The following DGKB variants were observed in gnomAD, a reference collection of about 807,000 sequenced individuals.
DGKB encodes 90 kDa diacylglycerol kinase.
A neutral mutation model predicts 114.3 loss-of-function variants in DGKB; 67 were observed. The observed-to-expected ratio is 0.59, with a 90% CI of 0.48 to 0.72. The LOEUF is 0.72. Among genes scored for constraint, DGKB ranks in the 30% least tolerant of loss-of-function variants. The pLI is 0.00. For synonymous variants in DGKB, 398 were observed against 323.1 expected, an observed-to-expected ratio of 1.23 and a Z score of -2.49; for missense variants, 907 against 975.2, an observed-to-expected ratio of 0.93 and a Z score of 0.93.
chr7:14,227,891 A>C (rs374937452), intron 23 of DGKB, among the ~76,000 whole-genome samples: 1 of 152,062 alleles, frequency 6.6e-6, no homozygotes, highest in Non-Finnish European at 1.5e-5. Flanking sequence ...CTGAATGACT[A>C]TGTATGCCAC....
Position 14,886,181 on chromosome 7 carries a change from A to G in DGKB, c.-188+16411T>C, listed in dbSNP as rs142694540. The stretch of plus-strand genomic sequence containing the variant: ...AAGAAAAGGACAAATGTGAGAGGCA[A>G]CAGAGACAGAAAAGATTAAAAGATA... On this transcript the variant is annotated intron_variant, in intron 1 of 25. Coordinates refer to ENST00000402815, the MANE Select transcript of DGKB (RefSeq NM_001350709.2). 2.4e-3 allele frequency among the ~76,000 whole-genome samples: 359 copies of G among 151,996 alleles called. 2 individuals carry two copies. Among genetic ancestry groups the G allele is most frequent in the African/African-American group, 8.2e-3 (341 of 41,508 alleles).
chr7:14,718,893 C>G, intron 5 of DGKB: 1 of 481,812 alleles, frequency 2.1e-6, no homozygotes, highest in Non-Finnish European at 3.6e-6. Context: ...GATCCACAGA[C>G]ATGGCACTGC....
At chr7:14,859,340 A>G (rs753061575) in intron 1 of DGKB, among the ~76,000 whole-genome samples, 3 of 152,148 alleles carry the variant, frequency 2.0e-5, no homozygotes, top group Non-Finnish European at 4.4e-5. Context: ...CAGTAATGAG[A>G]TTTGATTTCC....
chr7:14,477,214 C>T (rs1782316221), intron 21 of DGKB, among the ~76,000 whole-genome samples: 1 of 152,246 alleles, frequency 6.6e-6, no homozygotes, highest in East Asian at 1.9e-4. Context: ...TGTGAACCTA[C>T]ATGGGAGAAG....
chr7:14,172,149 TG>T (rs1383663852), intron 25 of DGKB, among the ~76,000 whole-genome samples: 5 of 152,158 alleles, frequency 3.3e-5, no homozygotes, highest in Non-Finnish European at 5.9e-5. Context: ...AGGAAAAATT[TG>T]TTTGGACAAG....
intron 24 of DGKB, among the ~76,000 whole-genome samples, chr7:14,177,582 T>TAAAAAAAAAAAAAAAAAAAAAAAAAAA (rs1781970211): frequency 1.8e-5 from 2 of 111,880 alleles, no homozygotes; most frequent in Admixed American, 1.0e-4. Flanking sequence ...AAAAAAAAAT[T>TAAAAAAAAAAAAAAAAAAAAAAAAAAA]GGGGGGAAAT....
intron 23 of DGKB, among the ~76,000 whole-genome samples, chr7:14,213,667 A>G (rs1171281547): frequency 2.0e-5 from 3 of 152,082 alleles, no homozygotes; most frequent in African/African-American, 7.2e-5. Context: ...GGGAACTGGG[A>G]CTTCAGGAAC....
At chr7:14,897,382 G>C (rs1233785318) in intron 1 of DGKB, among the ~76,000 whole-genome samples, 1 of 151,816 alleles carries the variant, frequency 6.6e-6, no homozygotes, top group African/African-American at 2.4e-5. Flanking sequence ...GTGAAGTCTT[G>C]AATGTCTGCT....
chr7:14,481,175 A>G (rs1156839895), intron 20 of DGKB, among the ~76,000 whole-genome samples: 2 of 151,990 alleles, frequency 1.3e-5, no homozygotes, highest in African/African-American at 4.8e-5. Flanking sequence ...TAGAATAATC[A>G]GCTTATTAGC....
chr7:14,305,540 C>T (rs1273571787), intron 23 of DGKB, among the ~76,000 whole-genome samples: 14 of 152,132 alleles, frequency 9.2e-5, no homozygotes, highest in Non-Finnish European at 1.5e-5. Context: ...CATGGATATA[C>T]ATTTGGGATT....
At chr7:14,357,310 T>A (rs1337716405) in intron 21 of DGKB, among the ~76,000 whole-genome samples, 4 of 152,310 alleles carry the variant, frequency 2.6e-5, no homozygotes, top group African/African-American at 9.6e-5. Flanking sequence ...TTTAGGATAG[T>A]TAGCTCTTCT....
At chr7:14,713,192 C>T (rs780408211) in intron 6 of DGKB, among the ~76,000 whole-genome samples, 3 of 151,898 alleles carry the variant, frequency 2.0e-5, no homozygotes, top group Non-Finnish European at 4.4e-5. Context: ...TTTTTTCCTT[C>T]CAAAAGATTT....
At chr7:14,248,371 T>G (rs937991187) in intron 23 of DGKB, among the ~76,000 whole-genome samples, 2 of 152,140 alleles carry the variant, frequency 1.3e-5, no homozygotes, top group African/African-American at 4.8e-5. Context: ...GGATTGTGTT[T>G]TCTATTTCTG....
At position 14,813,353 on chromosome 7, in the gene DGKB, T is replaced by C. The variant is rs540960088; in HGVS notation, c.70+27841A>G. Reference sequence around the variant, plus strand: ...TTTAGTATACCTATGAGGATTGCTCTTGGGAATGTCAAGCAACCACATAAA... The same window carrying C: ...TTTAGTATACCTATGAGGATTGCTCCTGGGAATGTCAAGCAACCACATAAA... On this transcript the variant is annotated intron_variant, in intron 2 of 25. Coordinates refer to ENST00000402815, the MANE Select transcript of DGKB (RefSeq NM_001350709.2). 2.4e-3 allele frequency among the ~76,000 whole-genome samples: 359 copies of C among 152,200 alleles called. 2 individuals carry two copies. The highest frequency in any genetic ancestry group is 1.7e-3 in the Non-Finnish European group (115 of 68,038).
intron 17 of DGKB, among the ~76,000 whole-genome samples, 185 bp from the exon 18 acceptor site, chr7:14,583,322 T>C (rs929884752): frequency 3.9e-5 from 6 of 152,078 alleles, no homozygotes; most frequent in Non-Finnish European, 5.9e-5. Context: ...ATTCTATAAT[T>C]TAAAAATATT....
At chr7:14,241,852 A>C (rs1429568567) in intron 23 of DGKB, among the ~76,000 whole-genome samples, 1 of 152,070 alleles carries the variant, frequency 6.6e-6, no homozygotes, top group East Asian at 1.9e-4. Flanking sequence ...AAAATATCTC[A>C]CAATAAATTA....
intron 2 of DGKB, among the ~76,000 whole-genome samples, chr7:14,761,874 T>C (rs1835746838): frequency 6.6e-6 from 1 of 152,102 alleles, no homozygotes; most frequent in Non-Finnish European, 1.5e-5. Flanking sequence ...GCAGGTTTAG[T>C]TCTTGGGATA....
intron 20 of DGKB, among the ~76,000 whole-genome samples, chr7:14,492,176 C>T (rs889321439): frequency 2.0e-5 from 3 of 151,908 alleles, no homozygotes; most frequent in African/African-American, 7.3e-5. Flanking sequence ...GAAATTGCTC[C>T]TGTTAATCTT....
chr7:14,412,203 T>G (rs191912148), intron 21 of DGKB, among the ~76,000 whole-genome samples: 1 of 152,192 alleles, frequency 6.6e-6, no homozygotes, highest in Non-Finnish European at 1.5e-5. Flanking sequence ...ATTGCTGCTA[T>G]AAAGCAGATA....
Sources: allele counts gnomAD v4.1 joint callset (sites outside exome capture counted in the v4.1 genomes callset), GRCh38; gene constraint gnomAD v4.1.1; transcripts MANE v1.5; gene names NCBI Gene and HGNC (gene_info 2026-07-23, HGNC 2026-07-21).